The following ZNF318 variants were observed in gnomAD, a reference collection of about 807,000 sequenced individuals.
ZNF318 encodes the protein zinc finger protein 318.
A neutral mutation model predicts 124.2 loss-of-function variants in ZNF318; 51 were observed. The ratio of observed to expected loss-of-function variants is 0.41; its 90% confidence interval spans 0.33 to 0.52. The LOEUF is 0.52. Ranked by LOEUF, ZNF318 falls within the 20% of genes least tolerant of loss-of-function variation. The pLI is 0.23. For synonymous variants in ZNF318, 1,090 were observed against 1,040.7 expected (o/e 1.05, Z -0.91); for missense variants, 2,815 against 2,811.2 (o/e 1.00, Z -0.03).
rs1369457449 is a variant in ZNF318 at position 43,354,768 on chromosome 6, T to C, written c.2566A>G (p.Ile856Val). 3 of 1,614,066 alleles carry C rather than the reference T, an allele frequency of 1.9e-6. No homozygotes were observed. Among genetic ancestry groups the C allele is most frequent in the South Asian group, 1.1e-5 (1 of 91,086 alleles). ...TGGACAGGCACTTGGGCCGCAGGAA[T>C]TGAGCCTCGCAGAGACTCTTTCTGC... ...PKQKESLRGSIPAAQVPVQVS... is the reference protein window; with the variant it reads ...PKQKESLRGSVPAAQVPVQVS... Residue 856 changes from isoleucine (I) to valine (V), a missense_variant, in exon 4 of 10, where the codon ATT becomes GTT. Transcript: ENST00000361428.
At chr6:43,341,626 G>C (rs1265028411) in intron 8 of ZNF318, among the ~76,000 whole-genome samples, 1 of 150,124 alleles carries the variant, frequency 6.7e-6, no homozygotes, top group African/African-American at 2.5e-5. Flanking sequence ...CTCCAGCCTG[G>C]GCAACAGAGA....
At chr6:43,341,822 A>C (rs1367374364) in intron 8 of ZNF318, among the ~76,000 whole-genome samples, 1 of 152,160 alleles carries the variant, frequency 6.6e-6, no homozygotes. Flanking sequence ...CAAACAAGTA[A>C]GATTTTGGGC....
At chr6:43,366,938 G>A (rs1779769932) in intron 1 of ZNF318, among the ~76,000 whole-genome samples, 1 of 151,620 alleles carries the variant, frequency 6.6e-6, no homozygotes, top group Non-Finnish European at 1.5e-5. Context: ...TGCAAGCTCC[G>A]CCTCCCAGGT....
At chr6:43,352,336 CAA>C in intron 5 of ZNF318, 39 bp downstream of exon 5, 2 of 1,391,114 alleles carry the variant, frequency 1.4e-6, no homozygotes, top group Non-Finnish European at 1.9e-6. Flanking sequence ...GTCTCCTACG[CAA>C]GTTATTACAA....
intron 2 of ZNF318, among the ~76,000 whole-genome samples, chr6:43,364,729 T>C (rs2150757962): frequency 6.6e-6 from 1 of 152,350 alleles, no homozygotes; most frequent in South Asian, 2.1e-4. Flanking sequence ...CTTGAGTGTA[T>C]CTACCCTTCC....
In ZNF318 at chr6:43,339,146, AAGG is replaced by A. The variant is rs1340122819; in HGVS notation, c.4849_4851del (p.Pro1617del). On this transcript the variant is annotated inframe_deletion, in exon 10 of 10. Coordinates refer to ENST00000361428, the MANE Select transcript of ZNF318 (RefSeq NM_014345.3). The surrounding 1 kb of genome is among the most constrained non-coding windows in gnomAD (Gnocchi z 4.2). ...TCCTCTTGGGATGCACTGCTGTTCAAAGGAGAAGTAGAAGAGGTGTCTGAACTT... is the reference window on the plus strand; with the variant it reads ...TCCTCTTGGGATGCACTGCTGTTCAAAGAAGTAGAAGAGGTGTCTGAACTT... The A allele has an allele frequency of 2.5e-6, 4 of 1,614,200 alleles. No homozygotes were observed. The South Asian group carries it at 3.3e-5, about 13-fold the overall frequency.
rs1464142259 is a variant in ZNF318 at position 43,369,279 on chromosome 6, A to G, written c.87T>C (p.Ser29=). The G allele has an allele frequency of 3.5e-5, 46 of 1,326,726 alleles. No homozygotes were observed. The highest frequency in any genetic ancestry group is 4.4e-5 in the Non-Finnish European group (46 of 1,034,066). The allele number at this position is 1,326,726 out of a possible 1,614,324, so 82.2% of individuals were successfully genotyped here. Residue 29 remains serine (S), a synonymous_variant, in exon 1 of 10, where the codon TCT becomes TCC. Coordinates refer to ENST00000361428, the MANE Select transcript of ZNF318 (RefSeq NM_014345.3). The part of the protein sequence containing the change: ...GGGGPRSGRS[S]GSSSGPARRS... ...GGCGAGCCGGGCCTGAGGAGGAGCC[A>G]GAGCTGCGGCCGCTGCGCGGGCCGC... is the stretch of plus-strand genomic sequence containing the variant.
Position 43,337,947 on chromosome 6 carries a change from C to T in ZNF318, c.6051G>A (p.Leu2017=), listed in dbSNP as rs1459568132. ...KVEELTALGN[L]GDMPVDFCTT... ...TGCAGAAATCAACAGGCATATCCCC[C>T]AGATTCCCCAGGGCAGTAAGCTCCT... The change falls in exon 10 of 10, where the codon CTG becomes CTA. Residue 2017 remains leucine, a synonymous_variant. Coordinates refer to ENST00000361428, the MANE Select transcript of ZNF318 (RefSeq NM_014345.3). 4.3e-6 allele frequency: 7 copies of T among 1,614,038 alleles called. No homozygotes were observed. In the East Asian group the frequency reaches 1.1e-4, roughly 26 times the overall value.
At chr6:43,342,304 AC>A in intron 7 of ZNF318, 93 bp from the exon 8 acceptor site, 2 of 1,001,454 alleles carry the variant, frequency 2.0e-6, no homozygotes, top group Non-Finnish European at 2.9e-6. Flanking sequence ...AGACCAGGGG[AC>A]CAGAAGCCCC....
chr6:43,358,769 T>C (rs1379923707), intron 2 of ZNF318, among the ~76,000 whole-genome samples: 2 of 151,888 alleles, frequency 1.3e-5, no homozygotes, highest in African/African-American at 4.8e-5. Flanking sequence ...TTGGCCAGGC[T>C]GGTCTCGAAC....
At chr6:43,368,354 G>A (rs992155125) in intron 1 of ZNF318, among the ~76,000 whole-genome samples, 18 of 152,188 alleles carry the variant, frequency 1.2e-4, no homozygotes, top group African/African-American at 1.7e-4. Flanking sequence ...AGACTTGTGA[G>A]GGTTAAAATA....
At position 43,356,007 on chromosome 6, in the gene ZNF318, A is replaced by G; in HGVS notation, c.1327T>C (p.Leu443=). Residue 443 remains leucine, a synonymous_variant, in exon 4 of 10, where the codon TTG becomes CTG. Coordinates refer to ENST00000361428, the MANE Select transcript of ZNF318 (RefSeq NM_014345.3). ...ENKGTMVETA[L]KEPQGNLYQW... is the part of the protein sequence containing the mutation. Reference sequence around the variant, plus strand: ...TAGAGGTTGCCCTGAGGTTCCTTCAAGGCAGTCTCTACCATAGTCCCCTTG... The same window carrying G: ...TAGAGGTTGCCCTGAGGTTCCTTCAGGGCAGTCTCTACCATAGTCCCCTTG... 6.2e-7 allele frequency: 1 copy of G among 1,614,186 alleles called. No homozygotes were observed. The highest frequency in any genetic ancestry group is 8.5e-7 in the Non-Finnish European group (1 of 1,180,032).
chr6:43,338,034 C>T lies in ZNF318; in HGVS notation c.5964G>A (p.Glu1988=). ...CCTTGCTTTCTATTGTCACTGTTAA[C>T]TCTGGATGGACATCTTGTAGCTCCA... The part of the protein sequence containing the change: ...EALELQDVHP[E]LTVTIESKAL... Residue 1988 remains glutamate (E), a synonymous_variant, in exon 10 of 10, where the codon GAG becomes GAA. Transcript: ENST00000361428. 1 of 1,614,200 alleles carries T rather than the reference C, an allele frequency of 6.2e-7. No homozygotes were observed. Among genetic ancestry groups the T allele is most frequent in the Non-Finnish European group, 8.5e-7 (1 of 1,180,028 alleles).
At position 43,352,319 on chromosome 6, in the gene ZNF318, A is replaced by G. The variant is rs1055457766; in HGVS notation, c.2770+58T>C. The G allele has an allele frequency of 4.9e-6, 6 of 1,214,672 alleles. 1 individual carries two copies. The highest frequency in any genetic ancestry group is 6.4e-6 in the Non-Finnish European group (6 of 931,880). 75.2% of individuals were successfully genotyped at this position (1,214,672 alleles called of 1,614,324 possible). ...TTACTGAACCTGTGTGAGAGTACCA[A>G]ATTTGGGTCTCCTACGCAAGTTATT... On this transcript the variant is annotated intron_variant, in intron 5 of 9. Coordinates refer to ENST00000361428, the MANE Select transcript of ZNF318 (RefSeq NM_014345.3).
intron 2 of ZNF318, among the ~76,000 whole-genome samples, chr6:43,362,165 A>C (rs929551378): frequency 6.6e-6 from 1 of 152,066 alleles, no homozygotes; most frequent in Non-Finnish European, 1.5e-5. Flanking sequence ...GTCTCTTAAA[A>C]ATAAATTTAA....
chr6:43,336,438 G>A lies in ZNF318; in HGVS notation c.*720C>T, dbSNP rs1370207130. ...CAATGAACCATGAATAAGCCTTACC[G>A]ATTTGTCGTCTTCTAAAAGTAAGCC... is the stretch of plus-strand genomic sequence containing the variant. On this transcript the variant is annotated 3_prime_UTR_variant, in exon 10 of 10. Coordinates refer to ENST00000361428, the MANE Select transcript of ZNF318 (RefSeq NM_014345.3). 6.6e-6 allele frequency: 1 copy of A among 152,350 alleles called. No homozygotes were observed. Among genetic ancestry groups the A allele is most frequent in the East Asian group, 1.9e-4 (1 of 5,192 alleles). 9.4% of individuals were successfully genotyped at this position (152,350 alleles called of 1,614,324 possible).
At chr6:43,368,685 C>A (rs1779793179) in intron 1 of ZNF318, 1 of 985,466 alleles carries the variant, frequency 1.0e-6, no homozygotes, top group African/African-American at 1.7e-5. Context: ...ATGCCCCTCG[C>A]CTTGGCAAAC....
intron 2 of ZNF318, 129 bp downstream of exon 2, chr6:43,365,163 G>C: frequency 2.1e-6 from 2 of 956,678 alleles, no homozygotes; most frequent in Non-Finnish European, 3.1e-6. Context: ...GTTTTATTTT[G>C]TACTGGACAT....
intron 6 of ZNF318, among the ~76,000 whole-genome samples, chr6:43,344,438 T>G (rs1244127290): frequency 6.6e-6 from 1 of 152,088 alleles, no homozygotes; most frequent in Non-Finnish European, 1.5e-5. Context: ...CAACAAAAAA[T>G]AAGGTTGTTA....
Sources: gnomAD v4.1 joint callset for allele counts (sites outside exome capture counted in the v4.1 genomes callset) on GRCh38, gnomAD v4.1.1 for gene constraint, Gnocchi (gnomAD v3.1) non-coding constraint, MANE v1.5 for transcripts, NCBI Gene and HGNC (gene_info 2026-07-23, HGNC 2026-07-21) for gene names.